Variants in CAB39L observed in about 807,000 individuals in gnomAD.
CAB39L encodes the protein calcium binding protein 39 like.
Under a neutral mutation model 39.1 loss-of-function variants are expected in CAB39L, and 23 were observed. That is an observed-to-expected ratio of 0.59 (90% confidence interval 0.42 to 0.83). The LOEUF (loss-of-function observed/expected upper bound fraction) is 0.83, where lower values mean the gene tolerates loss of function less well. Ranked by LOEUF, CAB39L falls within the 40% of genes least tolerant of loss-of-function variation. CAB39L has a pLI of 0.00. For synonymous variants in CAB39L, 126 were observed against 137.2 expected (o/e 0.92, Z 0.57); for missense variants, 366 against 391.9 (o/e 0.93, Z 0.56).
At chr13:49,338,598 A>G (rs1005678621) in intron 9 of CAB39L, among the ~76,000 whole-genome samples, 8 of 152,072 alleles carry the variant, frequency 5.3e-5, no homozygotes, top group African/African-American at 1.4e-4. Flanking sequence ...ACGTGTATAC[A>G]TATGTAACTA....
intron 7 of CAB39L, among the ~76,000 whole-genome samples, chr13:49,347,170 G>T (rs553948914): frequency 7.9e-5 from 12 of 151,930 alleles, no homozygotes; most frequent in Non-Finnish European, 1.6e-4. Flanking sequence ...AAGAAAATTG[G>T]TGTTTCCAAA....
chr13:49,317,393 C>T (rs1009934745), intron 10 of CAB39L, among the ~76,000 whole-genome samples: 3 of 151,746 alleles, frequency 2.0e-5, no homozygotes, highest in African/African-American at 7.3e-5. Flanking sequence ...AGCCAGGTGC[C>T]GTAGTGCACA....
At chr13:49,363,078 C>G (rs923340535) in intron 5 of CAB39L, among the ~76,000 whole-genome samples, 1 of 152,140 alleles carries the variant, frequency 6.6e-6, no homozygotes, top group Non-Finnish European at 1.5e-5. Flanking sequence ...CTAGACCCAT[C>G]CTACAAGAAA....
chr13:49,378,416 G>T (rs1411872355), intron 4 of CAB39L, among the ~76,000 whole-genome samples: 1 of 66,696 alleles, frequency 1.5e-5, no homozygotes. Context: ...GAGGTGGGGG[G>T]GTCAGCCCCC....
chr13:49,411,181 G>T (rs1186783440), intron 3 of CAB39L, among the ~76,000 whole-genome samples: 3 of 152,052 alleles, frequency 2.0e-5, no homozygotes, highest in Non-Finnish European at 4.4e-5. Context: ...GGCTGAGGCT[G>T]GTGGATTGCT....
chr13:49,342,357 TAA>T (rs1168232861), intron 8 of CAB39L, among the ~76,000 whole-genome samples: 2 of 152,218 alleles, frequency 1.3e-5, no homozygotes, highest in Non-Finnish European at 2.9e-5. Context: ...TTTCAATCAA[TAA>T]AGATACTTTA....
At chr13:49,388,364 G>A (rs769669146) in intron 3 of CAB39L, among the ~76,000 whole-genome samples, 4 of 152,158 alleles carry the variant, frequency 2.6e-5, no homozygotes, top group Non-Finnish European at 4.4e-5. Flanking sequence ...TCAGTGTCTT[G>A]CAGCTTTTAA....
chr13:49,314,448 G>A (rs1275289726), intron 10 of CAB39L, among the ~76,000 whole-genome samples: 2 of 152,014 alleles, frequency 1.3e-5, no homozygotes, highest in Admixed American at 6.6e-5. Context: ...TCAAGGCCTC[G>A]TCACTGCCCC....
rs537560628 is a variant in CAB39L at position 49,344,267 on chromosome 13, A to G, written c.565-29T>C. 9 of 1,288,120 alleles carry G rather than the reference A, an allele frequency of 7.0e-6. No homozygotes were observed. In the African/African-American group the frequency reaches 1.2e-4, roughly 17 times the overall value. The allele number at this position is 1,288,120 out of a possible 1,614,324, so 79.8% of individuals were successfully genotyped here. On this transcript the variant is annotated intron_variant, in intron 7 of 10. Coordinates refer to ENST00000409308, the MANE Select transcript of CAB39L (RefSeq NM_001079670.3). ...GAAAAAGAAAAACCAAGTGAAACAAAACTGTTATAGCTATTAATATTACAA... is the reference window on the plus strand; with the variant it reads ...GAAAAAGAAAAACCAAGTGAAACAAGACTGTTATAGCTATTAATATTACAA...
chr13:49,380,387 C>T (rs1170457984), intron 4 of CAB39L, among the ~76,000 whole-genome samples: 1 of 149,596 alleles, frequency 6.7e-6, no homozygotes, highest in Non-Finnish European at 1.5e-5. Flanking sequence ...CACACAGAAT[C>T]ACTGTCTTTT....
chr13:49,359,875 G>T, intron 5 of CAB39L, 43 bp from the exon 6 acceptor site: 2 of 1,053,152 alleles, frequency 1.9e-6, no homozygotes, highest in Non-Finnish European at 3.0e-6. Context: ...CACTCTAAAT[G>T]GATGAATTGT....
intron 10 of CAB39L, among the ~76,000 whole-genome samples, chr13:49,314,049 T>G (rs567779453): frequency 2.4e-4 from 36 of 152,196 alleles, no homozygotes; most frequent in Admixed American, 2.2e-3. Flanking sequence ...GTGGGCGGCA[T>G]GAGAGCTAGT....
In CAB39L at chr13:49,332,084, CT is replaced by C; in HGVS notation, c.696del (p.Glu234SerfsTer2). The C allele has an allele frequency of 6.2e-7, 1 of 1,613,718 alleles. No homozygotes were observed. Among genetic ancestry groups the C allele is most frequent in the Non-Finnish European group, 8.5e-7 (1 of 1,179,746 alleles). On this transcript the variant is annotated frameshift_variant, in exon 10 of 11. Coordinates refer to ENST00000409308, the MANE Select transcript of CAB39L (RefSeq NM_001079670.3). LOFTEE classifies it high-confidence loss of function. ...YVTKRQSLKL[L>X]GELILDRHNF... is the part of the protein sequence containing the mutation. ...TTGTGACGGTCCAGGATCAGCTCCCCTAGCAGCTAGAGGAAAACACAAAACC... is the reference window on the plus strand; with the variant it reads ...TTGTGACGGTCCAGGATCAGCTCCCCAGCAGCTAGAGGAAAACACAAAACC...
chr13:49,382,893 CA>C lies in CAB39L; in HGVS notation c.17del (p.Leu6CysfsTer13), dbSNP rs769335597. 9 of 1,607,166 alleles carry C rather than the reference CA, an allele frequency of 5.6e-6. No individual in the cohort carries two copies. In the East Asian group the frequency reaches 2.0e-4, roughly 36 times the overall value. MKKMP[L>X]FSKSHKNPAE... ...CTGGATTTTTGTGTGATTTACTAAA[CA>C]AAGGCATTTTTTTCATGTGTAGAAA... On this transcript the variant is annotated frameshift_variant, in exon 4 of 11. Transcript: ENST00000409308. LOFTEE classifies it high-confidence loss of function.
At chr13:49,389,997 A>G (rs573261279) in intron 3 of CAB39L, among the ~76,000 whole-genome samples, 1 of 152,058 alleles carries the variant, frequency 6.6e-6, no homozygotes, top group African/African-American at 2.4e-5. Context: ...TAATTTTTGT[A>G]TTTTTAGTAG....
At chr13:49,393,856 A>G (rs1320174151) in intron 3 of CAB39L, among the ~76,000 whole-genome samples, 2 of 151,948 alleles carry the variant, frequency 1.3e-5, no homozygotes, top group Non-Finnish European at 2.9e-5. Context: ...ACAAATTTTA[A>G]AAAGGAAAAT....
At chr13:49,321,000 A>C (rs1363152152) in intron 10 of CAB39L, among the ~76,000 whole-genome samples, 2 of 152,194 alleles carry the variant, frequency 1.3e-5, no homozygotes, top group African/African-American at 2.4e-5. Context: ...CAGCAGCCTG[A>C]AAGTACAGGA....
chr13:49,383,848 CAA>C (rs1303560950), intron 3 of CAB39L, among the ~76,000 whole-genome samples: 1 of 152,050 alleles, frequency 6.6e-6, no homozygotes, highest in Non-Finnish European at 1.5e-5. Context: ...AAAATGAAAA[CAA>C]TATGTATAAC....
chr13:49,429,265 A>T (rs942526123), intron 3 of CAB39L, among the ~76,000 whole-genome samples: 1 of 152,134 alleles, frequency 6.6e-6, no homozygotes, highest in South Asian at 2.1e-4. Context: ...GCTAATTTTT[A>T]AAATTTTTTT....
Sources: gnomAD v4.1 joint callset for allele counts (sites outside exome capture counted in the v4.1 genomes callset) on GRCh38, gnomAD v4.1.1 for gene constraint, MANE v1.5 for transcripts, NCBI Gene and HGNC (gene_info 2026-07-23, HGNC 2026-07-21) for gene names.